WAC: variants seen among roughly 807,000 people sequenced by gnomAD.
The protein encoded by WAC is WW domain-containing adapter protein with coiled-coil.
WAC carries 11 observed loss-of-function variants against 79.6 expected under a neutral mutation model. That is an observed-to-expected ratio of 0.14 (90% CI 0.09 to 0.23). The LOEUF (loss-of-function observed/expected upper bound fraction) is 0.23. Among genes scored for constraint, WAC ranks in the 10% least tolerant of loss-of-function variants. The probability of loss-of-function intolerance (pLI) is 1.00; values close to 1 mark genes in which losing one functional copy is unlikely to be tolerated. For missense variants in WAC, 728 were observed against 773.5 expected, an observed-to-expected ratio of 0.94 and a Z score of 0.70; for synonymous variants, 304 against 276.9, an observed-to-expected ratio of 1.10 and a Z score of -0.97.
chr10:28,614,314 C>T (rs907587259), intron 10 of WAC, among the ~76,000 whole-genome samples: 73 of 151,962 alleles, frequency 4.8e-4, no homozygotes, highest in Admixed American at 4.0e-3. Context: ...ACCGTGGTCT[C>T]GATCTCCTGA....
intron 4 of WAC, among the ~76,000 whole-genome samples, chr10:28,583,827 A>G (rs1399801888): frequency 6.6e-6 from 1 of 152,192 alleles, no homozygotes; most frequent in Non-Finnish European, 1.5e-5. Context: ...AAAGTGGTCT[A>G]AGTTAAGCTT....
At chr10:28,574,169 T>G (rs1171983335) in intron 3 of WAC, among the ~76,000 whole-genome samples, 1 of 152,178 alleles carries the variant, frequency 6.6e-6, no homozygotes, top group East Asian at 1.9e-4. Flanking sequence ...TTTGTTTTGT[T>G]TTTGTTTTTT....
chr10:28,560,305 G>A (rs1838230765), intron 3 of WAC, among the ~76,000 whole-genome samples: 1 of 152,140 alleles, frequency 6.6e-6, no homozygotes, highest in East Asian at 1.9e-4. Context: ...GAGGTCTAGC[G>A]AGCCGTCCTG....
At chr10:28,549,398 T>C (rs1355300432) in intron 3 of WAC, among the ~76,000 whole-genome samples, 1 of 152,218 alleles carries the variant, frequency 6.6e-6, no homozygotes, top group East Asian at 1.9e-4. Context: ...CATATCTCTT[T>C]GCTTATTGGA....
At chr10:28,617,567 C>T in intron 12 of WAC, 90 bp from the exon 13 acceptor site, 1 of 1,181,372 alleles carries the variant, frequency 8.5e-7, no homozygotes, top group Non-Finnish European at 1.1e-6. Context: ...TTCTCTAATC[C>T]TAGTATAAAA....
intron 6 of WAC, among the ~76,000 whole-genome samples, chr10:28,592,103 G>A (rs1840121939): frequency 6.6e-6 from 1 of 152,108 alleles, no homozygotes; most frequent in Non-Finnish European, 1.5e-5. Flanking sequence ...CAGTGAAATT[G>A]TATATAATTT....
intron 3 of WAC, among the ~76,000 whole-genome samples, chr10:28,545,679 ATTCTC>A (rs1015960204): frequency 1.3e-5 from 2 of 152,206 alleles, no homozygotes; most frequent in Admixed American, 6.5e-5. Flanking sequence ...GTTTTAAAGA[ATTCTC>A]TATCATCTAG....
At chr10:28,551,790 G>C (rs1260868856) in intron 3 of WAC, among the ~76,000 whole-genome samples, 1 of 85,504 alleles carries the variant, frequency 1.2e-5, no homozygotes, top group Non-Finnish European at 2.9e-5. Context: ...CTACTTGTGT[G>C]TGTGTGTGTG....
intron 3 of WAC, chr10:28,537,678 A>G (rs1836755598): frequency 6.6e-6 from 1 of 152,216 alleles, no homozygotes; most frequent in African/African-American, 2.4e-5. Context: ...CCTGGGAGTC[A>G]AGATGTGATC....
chr10:28,599,156 A>G (rs994340218), intron 7 of WAC, among the ~76,000 whole-genome samples: 5 of 152,166 alleles, frequency 3.3e-5, no homozygotes, highest in African/African-American at 4.8e-5. Context: ...TCATCAGTAG[A>G]TGATTAAAAT....
intron 3 of WAC, among the ~76,000 whole-genome samples, chr10:28,582,899 T>A (rs910581661): frequency 6.6e-6 from 1 of 152,116 alleles, no homozygotes; most frequent in Non-Finnish European, 1.5e-5. Flanking sequence ...CTCTTTAACT[T>A]CTTGAAAAAA....
Position 28,616,237 on chromosome 10 carries a change from A to T in WAC, c.1621A>T (p.Thr541Ser). The change falls in exon 12 of 14, where the codon ACA (threonine) becomes TCA (serine). Residue 541 changes from threonine (T) to serine (S), a missense_variant. By Grantham distance (58) the Thr-to-Ser change is moderately conservative (BLOSUM62 1). Transcript: ENST00000354911. ...TSNSSNASNATVVPQNSSARS... is the reference protein window; with the variant it reads ...TSNSSNASNASVVPQNSSARS... ...TAATAGTAGTAATGCATCAAATGCAACAGTTGTACCACAGAATTCTTCTGC... is the reference window on the plus strand; with the variant it reads ...TAATAGTAGTAATGCATCAAATGCATCAGTTGTACCACAGAATTCTTCTGC... 6.2e-7 allele frequency: 1 copy of T among 1,613,922 alleles called. No homozygotes were observed.
At chr10:28,567,199 T>C (rs1228057180) in intron 3 of WAC, among the ~76,000 whole-genome samples, 1 of 152,016 alleles carries the variant, frequency 6.6e-6, no homozygotes, top group Non-Finnish European at 1.5e-5. Context: ...TTTTTTTTCT[T>C]TTTTGTTGGG....
chr10:28,617,621 T>C, intron 12 of WAC, 36 bp from the exon 13 acceptor site: 1 of 1,519,746 alleles, frequency 6.6e-7, no homozygotes. Context: ...ATGTTAATGT[T>C]TATATTTTAT....
intron 3 of WAC, among the ~76,000 whole-genome samples, chr10:28,577,604 T>TGAAA (rs1171418971): frequency 1.3e-5 from 2 of 152,190 alleles, no homozygotes; most frequent in Non-Finnish European, 2.9e-5. Flanking sequence ...TTAGGAGTGA[T>TGAAA]GAAAGGCCAA....
intron 3 of WAC, chr10:28,538,268 A>T: frequency 3.5e-6 from 1 of 288,760 alleles, no homozygotes; most frequent in South Asian, 2.6e-5. Flanking sequence ...AGGCATTATA[A>T]ACTCCTTTGG....
At chr10:28,597,963 T>TTAA (rs1840464902) in intron 7 of WAC, among the ~76,000 whole-genome samples, 1 of 152,210 alleles carries the variant, frequency 6.6e-6, no homozygotes, top group South Asian at 2.1e-4. Flanking sequence ...TTTGTAAAAA[T>TTAA]CACTGTATTG....
intron 3 of WAC, among the ~76,000 whole-genome samples, chr10:28,565,594 A>G (rs1016683638): frequency 6.6e-6 from 1 of 152,222 alleles, no homozygotes; most frequent in East Asian, 1.9e-4. Context: ...ATTGTCATCA[A>G]TTATCAAATA....
intron 3 of WAC, among the ~76,000 whole-genome samples, chr10:28,543,612 C>T (rs1372638997): frequency 2.0e-5 from 3 of 152,168 alleles, no homozygotes; most frequent in Admixed American, 6.5e-5. Context: ...ATTTTGTATG[C>T]TTGACTTCTG....
Sources: allele counts gnomAD v4.1 joint callset (sites outside exome capture counted in the v4.1 genomes callset), GRCh38; gene constraint gnomAD v4.1.1; transcripts MANE v1.5; gene names NCBI Gene and HGNC (gene_info 2026-07-23, HGNC 2026-07-21).